Variants in CMIP observed in about 807,000 individuals in gnomAD.
CMIP encodes C-Maf-inducing protein.
Under a neutral mutation model 97.3 loss-of-function variants are expected in CMIP, and 13 were observed. The observed-to-expected ratio is 0.13, with a 90% CI of 0.09 to 0.21. The LOEUF (loss-of-function observed/expected upper bound fraction) is 0.21, where lower values mean the gene tolerates loss of function less well. Ranked by LOEUF, CMIP falls within the 10% of genes least tolerant of loss-of-function variation. The pLI, the probability that CMIP is intolerant of heterozygous loss-of-function variation, is 1.00. For synonymous variants in CMIP, 538 were observed against 436.3 expected, an observed-to-expected ratio of 1.23 and a Z score of -2.91; for missense variants, 847 against 1,024.9, an observed-to-expected ratio of 0.83 and a Z score of 2.37.
intron 1 of CMIP, among the ~76,000 whole-genome samples, chr16:81,495,936 C>T (rs1023448515): frequency 1.3e-5 from 2 of 152,216 alleles, no homozygotes; most frequent in African/African-American, 4.8e-5. Flanking sequence ...CCAGCTCCCC[C>T]AGCTCCCCCA....
chr16:81,707,144 C>CACCAGCATCCAGA, intron 20 of CMIP, 60 bp downstream of exon 20: 1 of 1,390,850 alleles, frequency 7.2e-7, no homozygotes, highest in Non-Finnish European at 1.0e-6. Context: ...CATCTGGATG[C>CACCAGCATCCAGA]TGGTGCATCT....
chr16:81,597,346 C>T (rs1008115666), intron 1 of CMIP, among the ~76,000 whole-genome samples: 2 of 152,148 alleles, frequency 1.3e-5, no homozygotes, highest in Non-Finnish European at 2.9e-5. Context: ...TCTGGTAACC[C>T]CTCTGGTCTT....
At chr16:81,670,897 C>T (rs920055576) in intron 8 of CMIP, among the ~76,000 whole-genome samples, 7 of 152,102 alleles carry the variant, frequency 4.6e-5, no homozygotes, top group Admixed American at 3.9e-4. Flanking sequence ...GGCTCAGTCT[C>T]GGCTTACTGC....
chr16:81,615,333 ATG>A (rs1223476131), intron 2 of CMIP, among the ~76,000 whole-genome samples: 1 of 116,828 alleles, frequency 8.6e-6, no homozygotes, highest in Non-Finnish European at 1.8e-5. Context: ...TGTGTGGTGT[ATG>A]TGTCTTTGTG....
chr16:81,548,676 A>G (rs1457752482), intron 1 of CMIP, among the ~76,000 whole-genome samples: 10 of 142,156 alleles, frequency 7.0e-5, no homozygotes, highest in African/African-American at 2.5e-4. Flanking sequence ...CCATGCCTCT[A>G]CAAAAAAAAA....
chr16:81,557,695 G>A (rs1434175644), intron 1 of CMIP, among the ~76,000 whole-genome samples: 1 of 152,208 alleles, frequency 6.6e-6, no homozygotes, highest in Non-Finnish European at 1.5e-5. Flanking sequence ...GGATCGCCTA[G>A]TTCAAGGCTA....
intron 1 of CMIP, among the ~76,000 whole-genome samples, chr16:81,535,129 T>C (rs1365385608): frequency 6.6e-6 from 1 of 152,112 alleles, no homozygotes; most frequent in African/African-American, 2.4e-5. Context: ...TTTTTGTACT[T>C]TTAGTAGAGA....
At chr16:81,447,068 A>G (rs746517947) in intron 1 of CMIP, among the ~76,000 whole-genome samples, 4 of 152,112 alleles carry the variant, frequency 2.6e-5, no homozygotes, top group Non-Finnish European at 2.9e-5. Context: ...AGGCCGCAGC[A>G]TTTGGCTTTC....
chr16:81,588,856 C>T (rs891296503), intron 1 of CMIP, among the ~76,000 whole-genome samples: 3 of 152,006 alleles, frequency 2.0e-5, no homozygotes, highest in Admixed American at 6.6e-5. Flanking sequence ...GGCCCTGTCT[C>T]CTGGCCTCTA....
chr16:81,447,478 G>A lies in CMIP; in HGVS notation c.300+1937G>A, dbSNP rs1045129071. ...CAGGAGGTATATCTGAGAGAAAGAG[G>A]GAAGGAAGAAAGACCTGAATAGCCA... On this transcript the variant is annotated intron_variant, in intron 1 of 20. Coordinates refer to ENST00000537098, the MANE Select transcript of CMIP (RefSeq NM_198390.3). Among the ~76,000 whole-genome samples, 12 of 152,226 alleles carry A rather than the reference G, an allele frequency of 7.9e-5. No individual in the cohort carries two copies. The East Asian group carries it at 2.3e-3, about 29-fold the overall frequency.
chr16:81,537,691 C>T (rs1597524675), intron 1 of CMIP, among the ~76,000 whole-genome samples: 2 of 151,066 alleles, frequency 1.3e-5, no homozygotes, highest in East Asian at 2.0e-4. Context: ...TATAGTGAGA[C>T]GCCCATCTCT....
At chr16:81,447,515 C>G (rs1905934673) in intron 1 of CMIP, among the ~76,000 whole-genome samples, 1 of 152,198 alleles carries the variant, frequency 6.6e-6, no homozygotes. Flanking sequence ...AGGCCCCTCG[C>G]TCACCTTGGC....
At chr16:81,447,482 G>A (rs762681048) in intron 1 of CMIP, among the ~76,000 whole-genome samples, 4 of 152,110 alleles carry the variant, frequency 2.6e-5, no homozygotes, top group Non-Finnish European at 5.9e-5. Context: ...AAAGAGGGAA[G>A]GAAGAAAGAC....
At chr16:81,708,687 G>A (rs1908428429) in intron 20 of CMIP, among the ~76,000 whole-genome samples, 1 of 152,184 alleles carries the variant, frequency 6.6e-6, no homozygotes, top group Non-Finnish European at 1.5e-5. Context: ...TGCCCAGTCT[G>A]GCCAGACCTT....
At chr16:81,667,799 A>AGAGAGAGTGTGTGTGTGTGT in intron 7 of CMIP, among the ~76,000 whole-genome samples, 7 of 58,136 alleles carry the variant, frequency 1.2e-4, no homozygotes, top group Non-Finnish European at 1.6e-4. Flanking sequence ...AGAGAGAGAG[A>AGAGAGAGTGTGTGTGTGTGT]GTGTGTGTGT....
At chr16:81,476,917 C>T (rs964052771) in intron 1 of CMIP, among the ~76,000 whole-genome samples, 4 of 152,050 alleles carry the variant, frequency 2.6e-5, no homozygotes, top group African/African-American at 9.7e-5. Flanking sequence ...CTTTAGGAGA[C>T]GGTGAAGATG....
rs570377223 is a variant in CMIP, at chr16:81,564,311, G to C, written c.301-43256G>C. 2.0e-5 allele frequency among the ~76,000 whole-genome samples: 3 copies of C among 152,330 alleles called. No individual in the cohort carries two copies. In the East Asian group the frequency reaches 5.8e-4, roughly 29 times the overall value. On this transcript the variant is annotated intron_variant, in intron 1 of 20. Coordinates refer to ENST00000537098, the MANE Select transcript of CMIP (RefSeq NM_198390.3). Reference sequence around the variant, plus strand: ...CCCCACTTAAGGTGCCTTTCTTGGAGGAGTCTCCGATGTCTAAAATGTGCC... The same window carrying C: ...CCCCACTTAAGGTGCCTTTCTTGGACGAGTCTCCGATGTCTAAAATGTGCC...
chr16:81,693,389 C>T (rs1906334052), intron 12 of CMIP, 50 bp from the exon 13 acceptor site: 2 of 1,591,054 alleles, frequency 1.3e-6, no homozygotes, highest in Non-Finnish European at 1.7e-6. Context: ...CCACACCTCC[C>T]ACTCAGTTCC....
chr16:81,475,385 C>G (rs1907840738), intron 1 of CMIP, among the ~76,000 whole-genome samples: 2 of 152,224 alleles, frequency 1.3e-5, no homozygotes, highest in Admixed American at 1.3e-4. Flanking sequence ...TCTCTGATTT[C>G]AAACCCTTCC....
Sources: gnomAD v4.1 joint callset for allele counts (sites outside exome capture counted in the v4.1 genomes callset) on GRCh38, gnomAD v4.1.1 for gene constraint, MANE v1.5 for transcripts, NCBI Gene and HGNC (gene_info 2026-07-23, HGNC 2026-07-21) for gene names.